Variants in ZNF766 observed in about 807,000 individuals in gnomAD.
The protein encoded by ZNF766 is zinc finger protein 766.
In ZNF766, 13 loss-of-function variants were observed where a neutral mutation model predicts 13.2. The observed-to-expected ratio is 0.98, with a 90% CI of 0.64 to 1.56. The LOEUF is 1.56. ZNF766 is among the 40% of genes most tolerant of loss of function. ZNF766 has a pLI of 0.00. For missense variants in ZNF766, 521 were observed against 552.2 expected, an observed-to-expected ratio of 0.94 and a Z score of 0.57; for synonymous variants, 178 against 187.6, an observed-to-expected ratio of 0.95 and a Z score of 0.42.
Position 52,269,609 on chromosome 19 carries a change from G to A in ZNF766, c.-5G>A, listed in dbSNP as rs1218389491. On this transcript the variant is annotated 5_prime_UTR_variant, in exon 1 of 4. It introduces an in-frame stop codon into an upstream open reading frame of the 5' UTR. Coordinates refer to ENST00000439461, the MANE Select transcript of ZNF766 (RefSeq NM_001010851.3). The stretch of plus-strand genomic sequence containing the variant: ...TGCAGACCCGGAAGTGGATGGCGTG[G>A]AGATATGGCGCAACTGCGGCGCGTG... 6.2e-7 allele frequency: 1 copy of A among 1,612,708 alleles called. No homozygotes were observed.
At position 52,291,220 on chromosome 19, in the gene ZNF766, G is replaced by T. The variant is rs764320808; in HGVS notation, c.*22G>T. ...CTGAGTTTGGCAAACTCTATCATAA[G>T]TTCTAGCAGTAATCAACATCCGAGA... On this transcript the variant is annotated 3_prime_UTR_variant, in exon 4 of 4. Coordinates refer to ENST00000439461, the MANE Select transcript of ZNF766 (RefSeq NM_001010851.3). The T allele has an allele frequency of 6.5e-7, 1 of 1,535,518 alleles. No individual in the cohort carries two copies. The highest frequency in any genetic ancestry group is 8.7e-7 in the Non-Finnish European group (1 of 1,144,480).
intron 1 of ZNF766, among the ~76,000 whole-genome samples, chr19:52,276,929 A>AGT (rs1374249428): frequency 6.6e-6 from 1 of 152,024 alleles, no homozygotes. Flanking sequence ...CCACTGCTGC[A>AGT]GTGTGTGTGT....
At chr19:52,273,706 A>G (rs367544056) in intron 1 of ZNF766, among the ~76,000 whole-genome samples, 3 of 152,188 alleles carry the variant, frequency 2.0e-5, no homozygotes, top group Non-Finnish European at 2.9e-5. Flanking sequence ...CCTTACCCCT[A>G]CTGTGGTCCA....
chr19:52,289,399 A>G (rs1000102521), intron 3 of ZNF766, among the ~76,000 whole-genome samples: 1 of 151,050 alleles, frequency 6.6e-6, no homozygotes, highest in African/African-American at 2.4e-5. Flanking sequence ...TGATCCGCCC[A>G]CCTCGCCCTC....
At chr19:52,280,647 A>G (rs1200921165) in intron 1 of ZNF766, among the ~76,000 whole-genome samples, 1 of 151,878 alleles carries the variant, frequency 6.6e-6, no homozygotes, top group Non-Finnish European at 1.5e-5. Flanking sequence ...CAGTGGCGTG[A>G]TCTCAGCTCA....
intron 3 of ZNF766, among the ~76,000 whole-genome samples, chr19:52,285,943 T>C (rs1981795154): frequency 6.6e-6 from 1 of 152,104 alleles, no homozygotes; most frequent in South Asian, 2.1e-4. Flanking sequence ...AACCAAGGTA[T>C]ATGTGTATCA....
chr19:52,292,352 T>C lies in ZNF766; in HGVS notation c.*1154T>C. The C allele has an allele frequency of 1.7e-6, 1 of 601,052 alleles. No homozygotes were observed. The highest frequency in any genetic ancestry group is 3.0e-6 in the Non-Finnish European group (1 of 337,660). The allele number at this position is 601,052 out of a possible 1,614,324, so 37.2% of individuals were successfully genotyped here. ...CATGCTTATTGCAGTTAGCACACAC[T>C]TTTCCTGACAGGCACAGTGCTGCTG... On this transcript the variant is annotated 3_prime_UTR_variant, in exon 4 of 4. Coordinates refer to ENST00000439461, the MANE Select transcript of ZNF766 (RefSeq NM_001010851.3).
At chr19:52,270,672 A>C (rs1020577340) in intron 1 of ZNF766, among the ~76,000 whole-genome samples, 7 of 152,166 alleles carry the variant, frequency 4.6e-5, no homozygotes, top group Non-Finnish European at 1.0e-4. Context: ...GGAATTTAAC[A>C]GGAGGAGCAC....
chr19:52,276,730 G>T (rs1981220299), intron 1 of ZNF766, among the ~76,000 whole-genome samples: 1 of 152,154 alleles, frequency 6.6e-6, no homozygotes, highest in Non-Finnish European at 1.5e-5. Context: ...GTTTTGCAAC[G>T]TATCCCCTTG....
Position 52,280,736 on chromosome 19 carries a change from C to T in ZNF766, c.19-1375C>T, listed in dbSNP as rs533137061. 1.4e-4 allele frequency among the ~76,000 whole-genome samples: 21 copies of T among 152,066 alleles called. No individual in the cohort carries two copies. In the South Asian group the frequency reaches 3.7e-3, roughly 27 times the overall value. On this transcript the variant is annotated intron_variant, in intron 1 of 3. Transcript: ENST00000439461. ...TAGCTGGGACTACAGGCATGCACCG[C>T]CACACCCAGCTAATTATTATATTTT... is the stretch of plus-strand genomic sequence containing the variant.
At chr19:52,277,286 C>T (rs1270999356) in intron 1 of ZNF766, 4 of 989,436 alleles carry the variant, frequency 4.0e-6, no homozygotes, top group Admixed American at 3.2e-5. Context: ...GGTGAAACCC[C>T]GTCTCTACTA....
At position 52,290,950 on chromosome 19, in the gene ZNF766, G is replaced by T; in HGVS notation, c.1159G>T (p.Glu387Ter). 6.2e-7 allele frequency: 1 copy of T among 1,614,074 alleles called. No individual in the cohort carries two copies. The highest frequency in any genetic ancestry group is 8.5e-7 in the Non-Finnish European group (1 of 1,180,016). The change falls in exon 4 of 4, where the codon GAA becomes TAA. Residue 387 changes from glutamate (E) to a stop codon, truncating the protein, a stop_gained. Coordinates refer to ENST00000439461, the MANE Select transcript of ZNF766 (RefSeq NM_001010851.3). LOFTEE classifies it low-confidence loss of function (END_TRUNC). ...TGGAGAGAAACCTTATAAATGTCAT[G>T]AATGTGGCAAAGTCTTCACTCAAGT... ...HNGEKPYKCH[E>*]CGKVFTQVSH...
At chr19:52,283,562 C>A in intron 3 of ZNF766, 149 bp downstream of exon 3, 2 of 1,067,696 alleles carry the variant, frequency 1.9e-6, no homozygotes, top group South Asian at 1.9e-5. Flanking sequence ...TTTGGCCTCC[C>A]AAAGTGATGT....
At chr19:52,280,423 C>T (rs1361989626) in intron 1 of ZNF766, among the ~76,000 whole-genome samples, 1 of 151,976 alleles carries the variant, frequency 6.6e-6, no homozygotes, top group Non-Finnish European at 1.5e-5. Context: ...GAGACAACTC[C>T]TTATTTCATC....
At chr19:52,283,221 C>A in intron 2 of ZNF766, 64 bp from the exon 3 acceptor site, 1 of 1,562,196 alleles carries the variant, frequency 6.4e-7, no homozygotes, top group South Asian at 1.2e-5. Flanking sequence ...TCTCTGCTGC[C>A]TAAACAGAGG....
rs960151577 is a variant in ZNF766 at position 52,295,585 on chromosome 19, G to A, written c.*4387G>A. On this transcript the variant is annotated 3_prime_UTR_variant, in exon 4 of 4. Transcript: ENST00000439461. ...GTTTGGAGACAATATTTTTTGACAA[G>A]AGTATGCACAAGACAATGGCAGGTA... The A allele has an allele frequency of 3.3e-5, 5 of 152,172 alleles. No individual in the cohort carries two copies. The highest frequency in any genetic ancestry group is 4.8e-5 in the African/African-American group (2 of 41,446). The allele number at this position is 152,172 out of a possible 1,614,324, so 9.4% of individuals were successfully genotyped here.
chr19:52,289,001 A>G (rs1454206626), intron 3 of ZNF766, among the ~76,000 whole-genome samples: 1 of 151,702 alleles, frequency 6.6e-6, no homozygotes, highest in Non-Finnish European at 1.5e-5. Flanking sequence ...GGCGCACGCC[A>G]CCACACCTGG....
rs1030921079 is a variant in ZNF766 at position 52,292,063 on chromosome 19, C to T, written c.*865C>T. ...TTGTACTCCAGCTTGGGTGACAGAG[C>T]GAGACCCTGTCTCAAAAGAAAAAAA... On this transcript the variant is annotated 3_prime_UTR_variant, in exon 4 of 4. Transcript: ENST00000439461. 1.2e-5 allele frequency: 8 copies of T among 683,362 alleles called. No individual in the cohort carries two copies. In the South Asian group the frequency reaches 1.3e-4, roughly 11 times the overall value. The allele number at this position is 683,362 out of a possible 1,614,324, so 42.3% of individuals were successfully genotyped here.
intron 3 of ZNF766, among the ~76,000 whole-genome samples, chr19:52,289,151 T>G (rs1981983915): frequency 6.9e-6 from 1 of 145,906 alleles, no homozygotes; most frequent in Non-Finnish European, 1.5e-5. Flanking sequence ...CCACCGCATG[T>G]GGTTTTTTTT....
Sources: gnomAD v4.1 joint callset for allele counts (sites outside exome capture counted in the v4.1 genomes callset) on GRCh38, gnomAD v4.1.1 for gene constraint, MANE v1.5 for transcripts, NCBI Gene and HGNC (gene_info 2026-07-23, HGNC 2026-07-21) for gene names.